The following RSPO2 variants were observed in gnomAD, a reference collection of about 807,000 sequenced individuals.
RSPO2 encodes the protein R-spondin 2.
In RSPO2, 14 loss-of-function variants were observed where a neutral mutation model predicts 30.9. That is an observed-to-expected ratio of 0.45 (90% CI 0.30 to 0.71). RSPO2 has a LOEUF of 0.71. RSPO2 is among the 30% of genes least tolerant of loss of function. The pLI is 0.08. For missense variants in RSPO2, 264 were observed against 301.9 expected (o/e 0.87, Z 0.93); for synonymous variants, 107 against 96.4 (o/e 1.11, Z -0.64).
Position 107,984,781 on chromosome 8 carries a change from T to G in RSPO2, c.283+4275A>C, listed in dbSNP as rs140289337. On this transcript the variant is annotated intron_variant, in intron 3 of 5. Transcript: ENST00000276659. Reference sequence around the variant, plus strand: ...AATTATGTTTTTAAAAAAATAGTGTTGCCATGAATAATGTTTTATATGTGT... The same window carrying G: ...AATTATGTTTTTAAAAAAATAGTGTGGCCATGAATAATGTTTTATATGTGT... 2.7e-3 allele frequency among the ~76,000 whole-genome samples: 412 copies of G among 152,312 alleles called. 1 individual carries two copies. The highest frequency in any genetic ancestry group is 0.014 in the Middle Eastern group (4 of 294).
At position 107,950,752 on chromosome 8, in the gene RSPO2, TAAAA is replaced by T. The variant is rs10599629; in HGVS notation, c.616+7324_616+7327del. 7.0e-3 allele frequency among the ~76,000 whole-genome samples: 988 copies of T among 142,096 alleles called. 4 individuals carry two copies. Among genetic ancestry groups the T allele is most frequent in the Non-Finnish European group, 0.012 (783 of 64,304 alleles). 93.2% of individuals were successfully genotyped at this position (142,096 alleles called of 152,430 possible). On this transcript the variant is annotated intron_variant, in intron 5 of 5. Coordinates refer to ENST00000276659, the MANE Select transcript of RSPO2 (RefSeq NM_178565.5). ...TTTACATTTTTAGGTTAATTAATGG[TAAAA>T]AAAAAAAAAAAAAATTTGACACCTC... is the stretch of plus-strand genomic sequence containing the variant.
At chr8:108,053,957 A>C (rs939913557) in intron 2 of RSPO2, among the ~76,000 whole-genome samples, 3 of 152,156 alleles carry the variant, frequency 2.0e-5, no homozygotes, top group Admixed American at 2.0e-4. Flanking sequence ...TGAAATCCAC[A>C]GTGCTCCTTC....
chr8:108,022,918 T>A, intron 2 of RSPO2, among the ~76,000 whole-genome samples: 1 of 136,554 alleles, frequency 7.3e-6, no homozygotes. Context: ...AGAACAAAAC[T>A]GTCAAAAAAA....
rs865938677 is a variant in RSPO2, at chr8:107,923,222, T to G, written c.617-22032A>C. 8.6e-5 allele frequency among the ~76,000 whole-genome samples: 13 copies of G among 151,626 alleles called. No individual in the cohort carries two copies. In the South Asian group the frequency reaches 2.1e-3, roughly 24 times the overall value. On this transcript the variant is annotated intron_variant, in intron 5 of 5. Transcript: ENST00000276659. ...TCCAGCATCTATAAGGAAATTAAAT[T>G]TGTAAGGGAAAAAACAACCCCATTA...
chr8:107,914,298 AT>A (rs1811910564), intron 5 of RSPO2, among the ~76,000 whole-genome samples: 1 of 152,078 alleles, frequency 6.6e-6, no homozygotes, highest in Non-Finnish European at 1.5e-5. Flanking sequence ...GCCACTGAAT[AT>A]TTACTGTGCT....
At chr8:107,937,718 G>A (rs1363848685) in intron 5 of RSPO2, among the ~76,000 whole-genome samples, 1 of 151,898 alleles carries the variant, frequency 6.6e-6, no homozygotes, top group Non-Finnish European at 1.5e-5. Flanking sequence ...AGGTCATCAA[G>A]GAACTGATCG....
intron 2 of RSPO2, among the ~76,000 whole-genome samples, chr8:108,004,083 C>T (rs1815371206): frequency 6.6e-6 from 1 of 152,108 alleles, no homozygotes; most frequent in Non-Finnish European, 1.5e-5. Context: ...GCTAATTTTT[C>T]CTAACACAAC....
chr8:107,962,900 T>G (rs1813677743), intron 3 of RSPO2, among the ~76,000 whole-genome samples: 1 of 152,100 alleles, frequency 6.6e-6, no homozygotes, highest in African/African-American at 2.4e-5. Context: ...CCAATAAGCT[T>G]TTTGGCCAAA....
At chr8:107,904,078 C>T (rs1258333766) in intron 5 of RSPO2, among the ~76,000 whole-genome samples, 1 of 151,994 alleles carries the variant, frequency 6.6e-6, no homozygotes, top group Non-Finnish European at 1.5e-5. Flanking sequence ...AAAAAATCCT[C>T]GTTTTATCTA....
chr8:107,985,734 T>C (rs1790517841), intron 3 of RSPO2, among the ~76,000 whole-genome samples: 1 of 152,156 alleles, frequency 6.6e-6, no homozygotes, highest in African/African-American at 2.4e-5. Flanking sequence ...CATTAATGAA[T>C]GAGAAAAAAT....
intron 3 of RSPO2, among the ~76,000 whole-genome samples, chr8:107,976,656 T>C (rs1234740408): frequency 6.6e-6 from 1 of 152,160 alleles, no homozygotes; most frequent in African/African-American, 2.4e-5. Context: ...TCAGATTATG[T>C]AGTTCACTCA....
chr8:108,068,752 G>T (rs1812746253), intron 2 of RSPO2, among the ~76,000 whole-genome samples: 1 of 152,158 alleles, frequency 6.6e-6, no homozygotes, highest in South Asian at 2.1e-4. Context: ...GCAGAGATTG[G>T]AATTCTACTG....
chr8:107,968,204 A>AATT (rs1813876873), intron 3 of RSPO2, among the ~76,000 whole-genome samples: 1 of 152,270 alleles, frequency 6.6e-6, no homozygotes, highest in Admixed American at 6.5e-5. Context: ...AGTGCCCACC[A>AATT]ATGGATGAAA....
chr8:108,053,962 T>C (rs775678682), intron 2 of RSPO2, among the ~76,000 whole-genome samples: 22 of 152,172 alleles, frequency 1.4e-4, no homozygotes, highest in Non-Finnish European at 2.8e-4. Context: ...TCCACAGTGC[T>C]CCTTCCCCTT....
At chr8:108,039,951 C>A (rs560889369) in intron 2 of RSPO2, among the ~76,000 whole-genome samples, 1 of 152,198 alleles carries the variant, frequency 6.6e-6, no homozygotes, top group South Asian at 2.1e-4. Flanking sequence ...AGTTGGCAGT[C>A]TACAAACCAA....
At chr8:108,019,420 T>TA (rs1810991194) in intron 2 of RSPO2, among the ~76,000 whole-genome samples, 1 of 151,848 alleles carries the variant, frequency 6.6e-6, no homozygotes, top group Non-Finnish European at 1.5e-5. Flanking sequence ...ACACAACCCA[T>TA]AAAACCCTTT....
intron 5 of RSPO2, among the ~76,000 whole-genome samples, chr8:107,931,880 A>G (rs1812563712): frequency 6.6e-6 from 1 of 152,204 alleles, no homozygotes; most frequent in South Asian, 2.1e-4. Flanking sequence ...AGACAACCCC[A>G]TATTATACAT....
intron 2 of RSPO2, among the ~76,000 whole-genome samples, chr8:108,029,054 CTTTTTTTTTTTT>C (rs71308771): frequency 5.0e-4 from 13 of 26,198 alleles, no homozygotes; most frequent in Admixed American, 1.3e-3. Context: ...TAACATGAGT[CTTTTTTTTTTTT>C]TTTTTTTTTT....
intron 3 of RSPO2, among the ~76,000 whole-genome samples, chr8:107,968,898 T>G (rs780715169): frequency 2.0e-5 from 3 of 152,124 alleles, no homozygotes; most frequent in Non-Finnish European, 4.4e-5. Flanking sequence ...TCAAAGGGCA[T>G]TACCCAATAA....
Sources: allele counts gnomAD v4.1 joint callset (sites outside exome capture counted in the v4.1 genomes callset), GRCh38; gene constraint gnomAD v4.1.1; transcripts MANE v1.5; gene names NCBI Gene and HGNC (gene_info 2026-07-23, HGNC 2026-07-21).